WNK1: variants seen among roughly 807,000 people sequenced by gnomAD.
WNK1 encodes WNK lysine deficient protein kinase 1.
A neutral mutation model predicts 222.8 loss-of-function variants in WNK1; 38 were observed. The ratio of observed to expected loss-of-function variants is 0.17; its 90% CI spans 0.13 to 0.22. WNK1 has a LOEUF of 0.22. Ranked by LOEUF, WNK1 falls within the 10% of genes least tolerant of loss-of-function variation. WNK1 has a pLI of 1.00. For missense variants in WNK1, 2,348 were observed against 2,918.4 expected (o/e 0.80, Z 4.50); for synonymous variants, 1,090 against 1,092.9 (o/e 1.00, Z 0.05).
At chr12:896,939 C>A (rs11832128) in intron 24 of WNK1, among the ~76,000 whole-genome samples, 6 of 117,388 alleles carry the variant, frequency 5.1e-5, no homozygotes, top group African/African-American at 1.7e-4. Flanking sequence ...CACACACACA[C>A]GATTCCCAAC....
chr12:800,808 A>G (rs1455006365), intron 1 of WNK1, among the ~76,000 whole-genome samples: 9 of 152,208 alleles, frequency 5.9e-5, no homozygotes, highest in Admixed American at 5.2e-4. Context: ...TAATGGCCCT[A>G]CTAGTTGTTT....
intron 8 of WNK1, among the ~76,000 whole-genome samples, chr12:865,943 A>G (rs1951632421): frequency 6.6e-6 from 1 of 152,128 alleles, no homozygotes; most frequent in South Asian, 2.1e-4. Flanking sequence ...TTAGGTTTCA[A>G]CCTAAGGTGG....
chr12:777,615 T>C (rs1457197872), intron 1 of WNK1, among the ~76,000 whole-genome samples: 4 of 152,238 alleles, frequency 2.6e-5, no homozygotes. Context: ...AATTCAGCTA[T>C]GTAATTTCTT....
Position 833,963 on chromosome 12 carries a change from A to G in WNK1, c.1311+3803A>G, listed in dbSNP as rs184840801. Reference sequence around the variant, plus strand: ...ATTAATATGTAAACAAAGAATTATAATTACATTATGGTGAGTATTGTAATG... The same window carrying G: ...ATTAATATGTAAACAAAGAATTATAGTTACATTATGGTGAGTATTGTAATG... On this transcript the variant is annotated intron_variant, in intron 4 of 27. Coordinates refer to ENST00000315939, the MANE Select transcript of WNK1 (RefSeq NM_018979.4). 2.6e-5 allele frequency among the ~76,000 whole-genome samples: 4 copies of G among 152,340 alleles called. No homozygotes were observed. In the East Asian group the frequency reaches 5.8e-4, roughly 22 times the overall value.
At chr12:897,345 T>C (rs1393117068) in intron 24 of WNK1, 134 bp from the exon 25 acceptor site, 1 of 716,436 alleles carries the variant, frequency 1.4e-6, no homozygotes, top group Non-Finnish European at 2.5e-6. Flanking sequence ...TAGAATCTCG[T>C]GGTAGTACAT....
intron 1 of WNK1, among the ~76,000 whole-genome samples, chr12:805,035 C>G (rs1946249072): frequency 6.6e-6 from 1 of 150,620 alleles, no homozygotes; most frequent in South Asian, 2.1e-4. Context: ...TGTTGATGGA[C>G]ACTTGGGTCA....
intron 22 of WNK1, among the ~76,000 whole-genome samples, chr12:892,787 C>CCT (rs1307397329): frequency 5.9e-5 from 9 of 152,220 alleles, no homozygotes; most frequent in Admixed American, 1.3e-4. Flanking sequence ...GCAATTCCCA[C>CCT]CTCTCATTGG....
At chr12:805,942 G>A (rs191946464) in intron 1 of WNK1, among the ~76,000 whole-genome samples, 12 of 151,624 alleles carry the variant, frequency 7.9e-5, no homozygotes, top group East Asian at 1.9e-4. Flanking sequence ...AATTCTTTTC[G>A]CCACCTCTGA....
intron 1 of WNK1, among the ~76,000 whole-genome samples, chr12:805,080 T>C (rs1946253888): frequency 6.6e-6 from 1 of 152,070 alleles, no homozygotes; most frequent in Admixed American, 6.6e-5. Flanking sequence ...AATGCTGCTG[T>C]TAACATTGGT....
intron 1 of WNK1, among the ~76,000 whole-genome samples, chr12:766,713 A>C (rs1941745166): frequency 6.6e-6 from 1 of 151,908 alleles, no homozygotes; most frequent in South Asian, 2.1e-4. Flanking sequence ...TCCTGACCTC[A>C]TGATCCGCCT....
intron 17 of WNK1, 129 bp downstream of exon 17, chr12:883,960 G>A (rs1455331933): frequency 1.2e-5 from 17 of 1,473,414 alleles, no homozygotes; most frequent in Admixed American, 8.9e-5. Context: ...CCCAGGAGGC[G>A]GAGGTTGCAG....
intron 9 of WNK1, among the ~76,000 whole-genome samples, 168 bp downstream of exon 9, chr12:871,516 T>C (rs1471109466): frequency 6.6e-6 from 1 of 152,250 alleles, no homozygotes; most frequent in Non-Finnish European, 1.5e-5. Flanking sequence ...TTTTCTGTGT[T>C]TCAGAAAAAT....
chr12:880,746 A>G lies in WNK1; in HGVS notation c.2858A>G (p.Gln953Arg). The G allele has an allele frequency of 6.2e-7, 1 of 1,613,202 alleles. No individual in the cohort carries two copies. Among genetic ancestry groups the G allele is most frequent in the South Asian group, 1.1e-5 (1 of 91,036 alleles). Residue 953 changes from glutamine (Q) to arginine (R), a missense_variant, in exon 12 of 28, where the codon CAG becomes CGG. Physicochemically the swap from Gln to Arg is conservative, Grantham distance 43. Coordinates refer to ENST00000315939, the MANE Select transcript of WNK1 (RefSeq NM_018979.4). The part of the protein sequence containing the change: ...YQGFPPRLPP[Q>R]YPGDSNIAPS... ...GGCTTCCCACCTCGACTGCCACCACAGTACCCAGGAGATTCAAATATTGCT... is the reference window on the plus strand; with the variant it reads ...GGCTTCCCACCTCGACTGCCACCACGGTACCCAGGAGATTCAAATATTGCT...
rs2154027970 is a variant in WNK1 at position 830,117 on chromosome 12, C to T, written c.1268C>T (p.Ser423Leu). 3 of 1,614,142 alleles carry T rather than the reference C, an allele frequency of 1.9e-6. No individual in the cohort carries two copies. The highest frequency in any genetic ancestry group is 2.5e-6 in the Non-Finnish European group (3 of 1,180,024). ...ATGGCTACATCTGAATATCCTTACT[C>T]GGAGTGCCAAAATGCTGCACAGATC... ...LEMATSEYPY[S>L]ECQNAAQIYR... The change falls in exon 4 of 28, where the codon TCG becomes TTG. Residue 423 changes from serine to leucine, a missense_variant. Coordinates refer to ENST00000315939, the MANE Select transcript of WNK1 (RefSeq NM_018979.4).
intron 1 of WNK1, among the ~76,000 whole-genome samples, chr12:780,404 C>G (rs183588429): frequency 6.6e-6 from 1 of 152,248 alleles, no homozygotes. Context: ...TAGAAATTCA[C>G]AAAAATTTCA....
At chr12:833,138 A>G (rs773966475) in intron 4 of WNK1, among the ~76,000 whole-genome samples, 1 of 152,034 alleles carries the variant, frequency 6.6e-6, no homozygotes, top group African/African-American at 2.4e-5. Flanking sequence ...CGCTGCTTCC[A>G]CTACTTCCAG....
chr12:889,278 C>T, intron 21 of WNK1, 55 bp downstream of exon 21: 1 of 1,436,610 alleles, frequency 7.0e-7, no homozygotes, highest in South Asian at 1.1e-5. Flanking sequence ...TATTATATGC[C>T]TGGGACACAA....
intron 5 of WNK1, 56 bp downstream of exon 5, chr12:857,305 G>T (rs1950860737): frequency 2.8e-6 from 4 of 1,427,312 alleles, no homozygotes; most frequent in Non-Finnish European, 4.0e-6. Context: ...AAAGTAATGT[G>T]CTTTGAGTAC....
intron 22 of WNK1, among the ~76,000 whole-genome samples, chr12:893,299 C>G (rs546559047): frequency 6.6e-6 from 1 of 152,102 alleles, no homozygotes; most frequent in South Asian, 2.1e-4. Flanking sequence ...AAATGCCCAT[C>G]AGTAGAAGCC....
Sources: allele counts gnomAD v4.1 joint callset (sites outside exome capture counted in the v4.1 genomes callset), GRCh38; gene constraint gnomAD v4.1.1; transcripts MANE v1.5; gene names NCBI Gene and HGNC (gene_info 2026-07-23, HGNC 2026-07-21).